Variants in CTCF observed in about 807,000 individuals in gnomAD.
CTCF encodes the protein CCCTC-binding factor.
A neutral mutation model predicts 72.3 loss-of-function variants in CTCF; 7 were observed. That is an observed-to-expected ratio of 0.10 (90% CI 0.06 to 0.18). The LOEUF (loss-of-function observed/expected upper bound fraction) is 0.18, where lower values mean the gene tolerates loss of function less well. Ranked by LOEUF, CTCF falls within the 10% of genes least tolerant of loss-of-function variation. The pLI, the probability that CTCF is intolerant of heterozygous loss-of-function variation, is 1.00. For missense variants in CTCF, 516 were observed against 949.1 expected, an observed-to-expected ratio of 0.54 and a Z score of 6.00; for synonymous variants, 374 against 315.8, an observed-to-expected ratio of 1.18 and a Z score of -1.95.
At chr16:67,597,270 A>C (rs1597700727) in intron 2 of CTCF, among the ~76,000 whole-genome samples, 1 of 152,026 alleles carries the variant, frequency 6.6e-6, no homozygotes, top group Admixed American at 6.6e-5. Flanking sequence ...TCCTGGGCTC[A>C]AGCGATCTGC....
chr16:67,609,624 CTTTT>C (rs921342687), intron 2 of CTCF, among the ~76,000 whole-genome samples: 5 of 135,408 alleles, frequency 3.7e-5, no homozygotes, highest in Admixed American at 7.4e-5. Flanking sequence ...CCTGATAATT[CTTTT>C]TTTTTTTTTT....
chr16:67,564,458 GCTTT>G lies in CTCF; in HGVS notation c.-127+1737_-127+1740del, dbSNP rs536500526. On this transcript the variant is annotated intron_variant, in intron 1 of 11. Transcript: ENST00000264010. Reference sequence around the variant, plus strand: ...TCACTGCAGTCCTCTTCGTAGGCACGCTTTCTATGTCTCCTTTTGGAACCCTGCA... The same window carrying G: ...TCACTGCAGTCCTCTTCGTAGGCACGCTATGTCTCCTTTTGGAACCCTGCA... 1.5e-4 allele frequency among the ~76,000 whole-genome samples: 23 copies of G among 152,292 alleles called. 1 individual carries two copies. The East Asian group carries it at 4.0e-3, about 27-fold the overall frequency.
At chr16:67,614,339 T>TC (rs1555534491) in intron 4 of CTCF, 1 of 116,652 alleles carries the variant, frequency 8.6e-6, no homozygotes, top group Non-Finnish European at 1.7e-5. Flanking sequence ...AGAGTGAGAC[T>TC]CCATCTCAAA....
Position 67,610,839 on chromosome 16 carries a change from G to A in CTCF, c.7G>A (p.Gly3Ser), listed in dbSNP as rs767313565. Residue 3 changes from glycine to serine, a missense_variant, in exon 3 of 12, where the codon GGT becomes AGT. Coordinates refer to ENST00000264010, the MANE Select transcript of CTCF (RefSeq NM_006565.4). ME[G>S]DAVEAIVEES... is the part of the protein sequence containing the mutation. Reference sequence around the variant, plus strand: ...CTTAATAAAGGCAGGGGAAATGGAAGGTGATGCAGTCGAAGCCATTGTGGA... The same window carrying A: ...CTTAATAAAGGCAGGGGAAATGGAAAGTGATGCAGTCGAAGCCATTGTGGA... The A allele has an allele frequency of 6.8e-7, 1 of 1,466,698 alleles. No homozygotes were observed. Among genetic ancestry groups the A allele is most frequent in the Middle Eastern group, 1.8e-4 (1 of 5,442 alleles). 90.9% of individuals were successfully genotyped at this position (1,466,698 alleles called of 1,614,324 possible).
rs1488590619 is a variant in CTCF at position 67,637,698 on chromosome 16, C to G, written c.2010C>G (p.Ile670Met). ...GCTCTTCTTTGCCAGCAACAGCTATCATTCAGGTTGAAGACCAGAATACAG... is the reference window on the plus strand; with the variant it reads ...GCTCTTCTTTGCCAGCAACAGCTATGATTCAGGTTGAAGACCAGAATACAG... ...NQPKQNQPTA[I>M]IQVEDQNTGA... The change falls in exon 12 of 12, where the codon ATC becomes ATG. Residue 670 changes from isoleucine (I) to methionine (M), a missense_variant. This residue lies in a region of CTCF where 157 missense variants were observed against 172.9 expected (regional missense o/e 0.91). Coordinates refer to ENST00000264010, the MANE Select transcript of CTCF (RefSeq NM_006565.4). 23 of 1,612,210 alleles carry G rather than the reference C, an allele frequency of 1.4e-5. No individual in the cohort carries two copies. The highest frequency in any genetic ancestry group is 1.9e-5 in the Non-Finnish European group (22 of 1,178,776).
chr16:67,617,157 T>A (rs78480733), intron 5 of CTCF, among the ~76,000 whole-genome samples: 1 of 151,260 alleles, frequency 6.6e-6, no homozygotes, highest in Non-Finnish European at 1.5e-5. Flanking sequence ...AGGTCGGGAG[T>A]TGGAGACCAG....
At chr16:67,585,867 G>A (rs1035861626) in intron 2 of CTCF, among the ~76,000 whole-genome samples, 1 of 151,896 alleles carries the variant, frequency 6.6e-6, no homozygotes, top group East Asian at 1.9e-4. Context: ...GTGACTCTTG[G>A]TTTGTAATTT....
intron 2 of CTCF, among the ~76,000 whole-genome samples, chr16:67,607,576 G>T (rs1265089220): frequency 1.3e-5 from 2 of 152,042 alleles, no homozygotes; most frequent in African/African-American, 4.8e-5. Flanking sequence ...AAAGTGCTGG[G>T]ATTACAGGCG....
chr16:67,614,346 CA>C (rs1216599508), intron 4 of CTCF: 565 of 39,584 alleles, frequency 0.014, 1 homozygote, highest in Middle Eastern at 0.021. Flanking sequence ...GACTCCATCT[CA>C]AAAAAAAAAA....
At chr16:67,611,703 G>GT in intron 3 of CTCF, 90 bp downstream of exon 3, 17 of 1,298,366 alleles carry the variant, frequency 1.3e-5, no homozygotes, top group Non-Finnish European at 1.8e-5. Context: ...TATATTAACC[G>GT]TATTTGTAAA....
chr16:67,604,604 G>A (rs1223939705), intron 2 of CTCF, among the ~76,000 whole-genome samples: 1 of 152,088 alleles, frequency 6.6e-6, no homozygotes, highest in Non-Finnish European at 1.5e-5. Context: ...GCCTCCCAAA[G>A]TGTTGGGATT....
intron 2 of CTCF, among the ~76,000 whole-genome samples, chr16:67,576,132 C>A (rs1287179775): frequency 3.6e-5 from 5 of 139,654 alleles, no homozygotes; most frequent in Admixed American, 7.4e-5. Context: ...CAGAGTGAGA[C>A]CCTGTCTTAA....
chr16:67,610,355 T>C (rs1016603416), intron 2 of CTCF, among the ~76,000 whole-genome samples: 8 of 146,526 alleles, frequency 5.5e-5, no homozygotes, highest in East Asian at 2.0e-4. Context: ...TTTTTCTTTT[T>C]TTTTTTTTTT....
intron 2 of CTCF, among the ~76,000 whole-genome samples, chr16:67,592,636 C>T (rs749867184): frequency 6.6e-6 from 1 of 152,016 alleles, no homozygotes; most frequent in Non-Finnish European, 1.5e-5. Flanking sequence ...GCCCAGGAGG[C>T]GGAAGTCGCA....
chr16:67,631,901 T>C (rs1009135226), intron 10 of CTCF, among the ~76,000 whole-genome samples: 1 of 151,444 alleles, frequency 6.6e-6, no homozygotes, highest in Non-Finnish European at 1.5e-5. Context: ...GGCAAAACCC[T>C]GTTATCTACA....
In CTCF at chr16:67,637,117, C is replaced by T. The variant is rs528241943; in HGVS notation, c.1999+266C>T. 9.2e-5 allele frequency among the ~76,000 whole-genome samples: 14 copies of T among 152,198 alleles called. 1 individual carries two copies. In the South Asian group the frequency reaches 2.5e-3, roughly 27 times the overall value. On this transcript the variant is annotated intron_variant, in intron 11 of 11. Transcript: ENST00000264010. ...GCAAGATGGGTACTGTTAATGTGGGCGGGTTTTGAAAAACAACCAAAGTCA... is the reference window on the plus strand; with the variant it reads ...GCAAGATGGGTACTGTTAATGTGGGTGGGTTTTGAAAAACAACCAAAGTCA...
chr16:67,615,762 G>C (rs998212777), intron 4 of CTCF: 3 of 152,162 alleles, frequency 2.0e-5, no homozygotes, highest in Non-Finnish European at 4.4e-5. Context: ...AGAATCGAAT[G>C]AACAAATGAA....
chr16:67,568,866 C>T (rs1027523390), intron 1 of CTCF, among the ~76,000 whole-genome samples: 2 of 151,402 alleles, frequency 1.3e-5, no homozygotes, highest in African/African-American at 2.4e-5. Context: ...GAGACTGAGT[C>T]TTGCTCTGTT....
intron 2 of CTCF, among the ~76,000 whole-genome samples, chr16:67,575,926 T>A: frequency 6.9e-6 from 1 of 144,792 alleles, no homozygotes; most frequent in African/African-American, 2.6e-5. Context: ...GCAAGGGATA[T>A]AAAACCCTAA....
Sources: gnomAD v4.1 joint callset for allele counts (sites outside exome capture counted in the v4.1 genomes callset) on GRCh38, gnomAD v4.1.1 for gene constraint, gnomAD v4.1.1 regional missense constraint, MANE v1.5 for transcripts, NCBI Gene and HGNC (gene_info 2026-07-23, HGNC 2026-07-21) for gene names.